The following SRP14 variants were observed in gnomAD, a reference collection of about 807,000 sequenced individuals.
SRP14 encodes the protein signal recognition particle 14, also known as signal recognition particle 14 kDa protein.
A neutral mutation model predicts 16.0 loss-of-function variants in SRP14; 1 was observed. The observed-to-expected ratio is 0.06, with a 90% CI of 0.02 to 0.30. The LOEUF is 0.30. Ranked by LOEUF, SRP14 falls within the 10% of genes least tolerant of loss-of-function variation. The probability of loss-of-function intolerance (pLI) is 1.00; values close to 1 mark genes in which losing one functional copy is unlikely to be tolerated. For synonymous variants in SRP14, 67 were observed against 60.1 expected (o/e 1.12, Z -0.53); for missense variants, 120 against 163.1 (o/e 0.74, Z 1.44).
rs2035610311 is a variant in SRP14 at position 40,035,786 on chromosome 15, T to G, written c.*547A>C. ...TGATGACTTTGTAGTATGTTTCTCC[T>G]AAGGTGGTTAAACAAACTCTCATTT... On this transcript the variant is annotated 3_prime_UTR_variant, in exon 5 of 5. Transcript: ENST00000267884. 1 of 152,764 alleles carries G rather than the reference T, an allele frequency of 6.5e-6. No homozygotes were observed. The highest frequency in any genetic ancestry group is 1.5e-5 in the Non-Finnish European group (1 of 68,486). The allele number at this position is 152,764 out of a possible 1,614,324, so 9.5% of individuals were successfully genotyped here. A position where few individuals can be genotyped will look rare whatever the true frequency, so the allele number is the denominator to read the frequency against.
At chr15:40,036,710 T>G (rs1160924337) in intron 4 of SRP14, 1 of 665,660 alleles carries the variant, frequency 1.5e-6, no homozygotes, top group Non-Finnish European at 2.5e-6. Context: ...ACACATTTTT[T>G]ACGTTTTTTT....
At chr15:40,037,325 G>A (rs12439544) in intron 3 of SRP14, 21 of 1,214,686 alleles carry the variant, frequency 1.7e-5, no homozygotes, top group Admixed American at 1.0e-4. Flanking sequence ...AAATCCCTTA[G>A]AAAGGTGGCA....
chr15:40,039,129 G>C lies in SRP14; in HGVS notation c.-13C>G, dbSNP rs369753846. 1 of 1,609,700 alleles carries C rather than the reference G, an allele frequency of 6.2e-7. No homozygotes were observed. Among genetic ancestry groups the C allele is most frequent in the Non-Finnish European group, 8.5e-7 (1 of 1,178,816 alleles). Reference sequence around the variant, plus strand: ...CCAACAACACCATCGCGGCGACGCTGGCTCGACTCCCTCCGCTTAAGCCCC... The same window carrying C: ...CCAACAACACCATCGCGGCGACGCTCGCTCGACTCCCTCCGCTTAAGCCCC... On this transcript the variant is annotated 5_prime_UTR_variant, in exon 1 of 5. Coordinates refer to ENST00000267884, the MANE Select transcript of SRP14 (RefSeq NM_003134.6).
At position 40,036,413 on chromosome 15, in the gene SRP14, C is replaced by G. The variant is rs780465655; in HGVS notation, c.331G>C (p.Ala111Pro). 1 of 1,614,162 alleles carries G rather than the reference C, an allele frequency of 6.2e-7. No individual in the cohort carries two copies. The highest frequency in any genetic ancestry group is 1.1e-5 in the South Asian group (1 of 91,084). ...NKTKKTKAAA[A>P]AAAAAPAAAA... ...GCGGCAGGTGCTGCTGCTGCTGCTG[C>G]TGCTGCTGCTTTGGTCTTCTTAGTT... The change falls in exon 5 of 5, where the codon GCA becomes CCA. Residue 111 changes from alanine (A) to proline (P), a missense_variant. Physicochemically the swap from Ala to Pro is conservative, Grantham distance 27 (BLOSUM62 -1). Around this residue, in one of 3 missense-constraint regions of SRP14, gnomAD observed 43 missense variants for 37.0 expected, o/e 1.16. Transcript: ENST00000267884.
chr15:40,037,275 T>TG lies in SRP14; in HGVS notation c.211-258dup, dbSNP rs1555424356. The TG allele has an allele frequency of 2.6e-3, 862 of 328,126 alleles. 28 individuals are homozygous for TG. The East Asian group carries it at 0.091, about 35-fold the overall frequency. 20.3% of individuals were successfully genotyped at this position (328,126 alleles called of 1,614,324 possible). A position where few individuals can be genotyped will look rare whatever the true frequency, so the allele number is the denominator to read the frequency against. On this transcript the variant is annotated intron_variant, in intron 3 of 4. Transcript: ENST00000267884. ...GAGGTGAAAGGCAGTAGGCTCCTTT[T>TG]GGGGAAAAAAAAAAAAAAAGCTTTG...
chr15:40,037,279 G>GGAAA (rs1555424355), intron 3 of SRP14: 19 of 749,934 alleles, frequency 2.5e-5, no homozygotes, highest in East Asian at 1.8e-4. Context: ...TCCTTTTGGG[G>GGAAA]AAAAAAAAAA....
intron 3 of SRP14, 75 bp from the exon 4 acceptor site, chr15:40,037,093 C>T: frequency 6.6e-7 from 1 of 1,516,828 alleles, no homozygotes. Flanking sequence ...GATAGTATCT[C>T]AAAAGCCTCC....
chr15:40,037,467 G>C, intron 3 of SRP14: 1 of 658,692 alleles, frequency 1.5e-6, no homozygotes, highest in Non-Finnish European at 2.1e-6. Context: ...ATTAATTCAA[G>C]CATATTTAAG....
In SRP14 at chr15:40,038,877, C is replaced by T; in HGVS notation, c.96G>A (p.Lys32=). 3.1e-6 allele frequency: 5 copies of T among 1,613,786 alleles called. No homozygotes were observed. Among genetic ancestry groups the T allele is most frequent in the African/African-American group, 1.3e-5 (1 of 75,032 alleles). Residue 32 remains lysine, a splice_region_variant and synonymous_variant, in exon 2 of 5, where the codon AAG becomes AAA. Transcript: ENST00000267884. ...TSGSVYITLK[K]YDGRTKPIPK... ...CCCGGCTCCCCTCCCGCTGCTTACA[C>T]TTCTTCAAGGTGATATAGACGCTGC...
intron 1 of SRP14, 72 bp from the exon 2 acceptor site, chr15:40,039,020 T>G: frequency 6.2e-7 from 1 of 1,606,074 alleles, no homozygotes; most frequent in Non-Finnish European, 8.5e-7. Context: ...GCCCTGGTCC[T>G]CCTGCAGGAG....
chr15:40,037,294 A>AAAAAAAAAAAAAG, intron 3 of SRP14: 3 of 1,352,508 alleles, frequency 2.2e-6, no homozygotes, highest in Non-Finnish European at 2.9e-6. Context: ...AAAAAAAAAA[A>AAAAAAAAAAAAAG]GCTTTGTTTC....
intron 4 of SRP14, 80 bp from the exon 5 acceptor site, chr15:40,036,580 T>C: frequency 1.4e-6 from 2 of 1,413,634 alleles, no homozygotes; most frequent in Non-Finnish European, 1.9e-6. Context: ...ATAATGGATT[T>C]AGGGTAGCCA....
Position 40,036,510 on chromosome 15 carries a change from A to G in SRP14, c.244-10T>C. The G allele has an allele frequency of 6.2e-7, 1 of 1,612,438 alleles. No homozygotes were observed. The highest frequency in any genetic ancestry group is 2.2e-5 in the East Asian group (1 of 44,834). ...GGAGGTTTGAATAAGCCTGAAAGATACAACAGAGCATACCTTAGTGGGAAG... is the reference window on the plus strand; with the variant it reads ...GGAGGTTTGAATAAGCCTGAAAGATGCAACAGAGCATACCTTAGTGGGAAG... On this transcript the variant is annotated splice_polypyrimidine_tract_variant and intron_variant, in intron 4 of 4. Transcript: ENST00000267884.
At position 40,036,405 on chromosome 15, in the gene SRP14, T is replaced by G. The variant is rs1345970629; in HGVS notation, c.339A>C (p.Ala113=). 6.2e-7 allele frequency: 1 copy of G among 1,612,302 alleles called. No homozygotes were observed. ...TTGCTGCTGCGGCAGGTGCTGCTGC[T>G]GCTGCTGCTGCTGCTGCTTTGGTCT... ...TKKTKAAAAA[A]AAAPAAAATA... The change falls in exon 5 of 5, where the codon GCA becomes GCC. Residue 113 remains alanine, a synonymous_variant. Transcript: ENST00000267884.
chr15:40,038,506 T>G, intron 2 of SRP14, 112 bp from the exon 3 acceptor site: 2 of 728,068 alleles, frequency 2.7e-6, no homozygotes, highest in Admixed American at 4.8e-5. Flanking sequence ...GCCCCGCTGC[T>G]CTAGTTTTGT....
chr15:40,038,168 T>C (rs1288674711), intron 3 of SRP14, 114 bp downstream of exon 3: 20 of 802,642 alleles, frequency 2.5e-5, no homozygotes, highest in Non-Finnish European at 3.7e-5. Flanking sequence ...GTCTCAAAAA[T>C]AGCCACACAG....
rs567948368 is a variant in SRP14, at chr15:40,036,680, C to T, written c.244-180G>A. On this transcript the variant is annotated intron_variant, in intron 4 of 4. Coordinates refer to ENST00000267884, the MANE Select transcript of SRP14 (RefSeq NM_003134.6). ...CTCTTTCACATTATAGCAGCTTCTG[C>T]AACACCCACAGACAGTTGCACACAT... The T allele has an allele frequency of 5.6e-6, 4 of 716,518 alleles. No homozygotes were observed. The East Asian group carries it at 1.0e-4, about 18-fold the overall frequency. 44.4% of individuals were successfully genotyped at this position (716,518 alleles called of 1,614,324 possible). A position where few individuals can be genotyped will look rare whatever the true frequency, so the allele number is the denominator to read the frequency against.
At position 40,039,161 on chromosome 15, in the gene SRP14, T is replaced by C. The variant is rs746290708; in HGVS notation, c.-45A>G. On this transcript the variant is annotated 5_prime_UTR_variant, in exon 1 of 5. Transcript: ENST00000267884. ...CTCCCTCCGCTTAAGCCCCTAGCAG[T>C]GAGAGCCGGAAGTTCGGCCTAGGCT... The C allele has an allele frequency of 1.3e-5, 20 of 1,595,770 alleles. No individual in the cohort carries two copies. The South Asian group carries it at 1.6e-4, about 13-fold the overall frequency.
chr15:40,036,405 T>TGCC lies in SRP14; in HGVS notation c.338_339insGGC (p.Ala116dup). On this transcript the variant is annotated inframe_insertion, in exon 5 of 5. Transcript: ENST00000267884. ...TTGCTGCTGCGGCAGGTGCTGCTGCTGCTGCTGCTGCTGCTGCTTTGGTCT... is the reference window on the plus strand; with the variant it reads ...TTGCTGCTGCGGCAGGTGCTGCTGCTGCCGCTGCTGCTGCTGCTGCTTTGGTCT... 1 of 1,612,302 alleles carries TGCC rather than the reference T, an allele frequency of 6.2e-7. No homozygotes were observed.
Sources: allele counts gnomAD v4.1 joint callset, GRCh38; gene constraint gnomAD v4.1.1; regional missense constraint gnomAD v4.1.1; transcripts MANE v1.5; gene names NCBI Gene and HGNC (gene_info 2026-07-23, HGNC 2026-07-21).